Variants in NDUFA10 observed in about 807,000 individuals in gnomAD.
NDUFA10 encodes NADH:ubiquinone oxidoreductase subunit A10, also known as NADH dehydrogenase [ubiquinone] 1 alpha subcomplex subunit 10, mitochondrial.
A neutral mutation model predicts 47.8 loss-of-function variants in NDUFA10; 40 were observed. The ratio of observed to expected loss-of-function variants is 0.84; its 90% CI spans 0.65 to 1.09. The LOEUF (loss-of-function observed/expected upper bound fraction) is 1.09. Among genes scored for constraint, NDUFA10 ranks in the 50% least tolerant of loss-of-function variants. The pLI is 0.00. For synonymous variants in NDUFA10, 183 were observed against 172.2 expected (o/e 1.06, Z -0.49); for missense variants, 413 against 451.1 (o/e 0.92, Z 0.76).
chr2:239,898,336 C>A (rs1236884967), intron 4 of NDUFA10, among the ~76,000 whole-genome samples: 2 of 152,236 alleles, frequency 1.3e-5, no homozygotes, highest in Non-Finnish European at 2.9e-5. Context: ...AGGTGCTCAG[C>A]CTGCGCCCGG....
intron 4 of NDUFA10, among the ~76,000 whole-genome samples, chr2:239,924,811 TC>T (rs1338174860): frequency 6.6e-6 from 1 of 152,082 alleles, no homozygotes; most frequent in African/African-American, 2.4e-5. Context: ...AGAAATTATC[TC>T]CCCTCAATTA....
At chr2:240,000,084 G>C (rs1696643266) in intron 8 of NDUFA10, among the ~76,000 whole-genome samples, 1 of 152,202 alleles carries the variant, frequency 6.6e-6, no homozygotes, top group African/African-American at 2.4e-5. Context: ...ATTATGTACA[G>C]TACAGAATAC....
intron 7 of NDUFA10, among the ~76,000 whole-genome samples, chr2:240,006,713 G>A (rs2106473759): frequency 6.6e-6 from 1 of 152,114 alleles, no homozygotes; most frequent in East Asian, 1.9e-4. Context: ...TATCCTTTAA[G>A]GAACTAACTT....
At chr2:239,931,129 C>T (rs1330461902) in intron 4 of NDUFA10, among the ~76,000 whole-genome samples, 1 of 152,218 alleles carries the variant, frequency 6.6e-6, no homozygotes, top group African/African-American at 2.4e-5. Context: ...TCCCTGTGAG[C>T]ATCTGAACAG....
rs1433699139 is a variant in NDUFA10, at chr2:239,959,293, AC to A, written c.*1824del. 5 of 985,328 alleles carry A rather than the reference AC, an allele frequency of 5.1e-6. No homozygotes were observed. The Admixed American group carries it at 3.1e-4, about 61-fold the overall frequency. The allele number at this position is 985,328 out of a possible 1,614,324, so 61.0% of individuals were successfully genotyped here. A position where few individuals can be genotyped will look rare whatever the true frequency, so the allele number is the denominator to read the frequency against. ...TCTGCCCCTCACAAGGGCAATCCTG[AC>A]CACAGGGCAGACCTGCCCTCTCACT... On this transcript the variant is annotated 3_prime_UTR_variant, in exon 10 of 10. Coordinates refer to ENST00000252711, the MANE Select transcript of NDUFA10 (RefSeq NM_004544.4).
chr2:239,953,584 G>A (rs115981398), downstream of NDUFA10, among the ~76,000 whole-genome samples: 1,688 of 151,622 alleles, frequency 0.011, 34 homozygotes, highest in African/African-American at 0.038. Context: ...TGTCTTCTCC[G>A]AACCTCCTAC....
intron 4 of NDUFA10, among the ~76,000 whole-genome samples, chr2:239,947,248 G>C (rs1694470916): frequency 1.3e-5 from 2 of 152,202 alleles, no homozygotes; most frequent in African/African-American, 4.8e-5. Context: ...TCCGAGCCTG[G>C]GAATACCAAG....
intron 9 of NDUFA10, among the ~76,000 whole-genome samples, chr2:239,963,144 GAC>G (rs1178744223): frequency 6.6e-6 from 1 of 152,138 alleles, no homozygotes; most frequent in Non-Finnish European, 1.5e-5. Context: ...AGAATTCTGG[GAC>G]ACACACAAAA....
chr2:239,905,343 C>A (rs554794641), intron 4 of NDUFA10, among the ~76,000 whole-genome samples: 1 of 152,202 alleles, frequency 6.6e-6, no homozygotes, highest in Non-Finnish European at 1.5e-5. Context: ...TTGGTCCTCC[C>A]GGCTCAAAGG....
intron 4 of NDUFA10, among the ~76,000 whole-genome samples, chr2:239,920,688 G>A (rs973699767): frequency 9.9e-5 from 15 of 152,216 alleles, no homozygotes; most frequent in African/African-American, 2.4e-4. Context: ...AGGAAGGGAC[G>A]TGGCCTTTAA....
chr2:239,981,629 G>A (rs982228510), intron 9 of NDUFA10, among the ~76,000 whole-genome samples: 4 of 152,228 alleles, frequency 2.6e-5, no homozygotes, highest in East Asian at 1.9e-4. Flanking sequence ...AGCATTACTC[G>A]TTTTCCAAGA....
chr2:239,939,256 A>G (rs1254201622), intron 4 of NDUFA10, among the ~76,000 whole-genome samples: 1 of 152,228 alleles, frequency 6.6e-6, no homozygotes, highest in Non-Finnish European at 1.5e-5. Context: ...CATGCCAGCC[A>G]GTGTCTTCTG....
chr2:239,992,639 A>T (rs1421440198), intron 8 of NDUFA10, among the ~76,000 whole-genome samples: 1 of 152,202 alleles, frequency 6.6e-6, no homozygotes, highest in Non-Finnish European at 1.5e-5. Flanking sequence ...CTGGAGAAGC[A>T]GGGATGGTCT....
At chr2:239,897,796 CAG>C (rs1227981169) in intron 4 of NDUFA10, among the ~76,000 whole-genome samples, 17 of 152,228 alleles carry the variant, frequency 1.1e-4, no homozygotes, top group African/African-American at 4.1e-4. Context: ...ACTCAGCCCC[CAG>C]AGACTGCAGC....
At chr2:239,938,351 G>A (rs1175669549) in intron 4 of NDUFA10, among the ~76,000 whole-genome samples, 1 of 152,244 alleles carries the variant, frequency 6.6e-6, no homozygotes, top group African/African-American at 2.4e-5. Flanking sequence ...AGGCCCCCCT[G>A]AGGACAGACC....
intron 4 of NDUFA10, among the ~76,000 whole-genome samples, chr2:239,921,282 A>G (rs11692442): frequency 0.2 from 26,920 of 135,532 alleles, 3,002 homozygotes; most frequent in African/African-American, 0.31. Flanking sequence ...GAACAAAGCC[A>G]CGGACCTTTG....
Position 239,962,239 on chromosome 2 carries a change from A to C in NDUFA10, c.1000-1053T>G, listed in dbSNP as rs558313154. Among the ~76,000 whole-genome samples, 814 of 149,346 alleles carry C rather than the reference A, an allele frequency of 5.5e-3. 2 individuals are homozygous for C. The highest frequency in any genetic ancestry group is 7.9e-3 in the Non-Finnish European group (529 of 67,146). ...CACACACACACACACACACACACAC[A>C]CCCCTTCCAAATTCTGCCCTTAAGA... On this transcript the variant is annotated intron_variant, in intron 9 of 9. Coordinates refer to ENST00000252711, the MANE Select transcript of NDUFA10 (RefSeq NM_004544.4).
intron 4 of NDUFA10, among the ~76,000 whole-genome samples, chr2:239,931,182 C>T (rs907830630): frequency 2.0e-5 from 3 of 152,170 alleles, no homozygotes; most frequent in Admixed American, 1.3e-4. Context: ...TTGGGGCAGA[C>T]CGGCTTAATC....
chr2:240,025,184 CA>C, intron 1 of NDUFA10, 42 bp downstream of exon 1: 1 of 729,842 alleles, frequency 1.4e-6, no homozygotes, highest in Non-Finnish European at 1.9e-6. Flanking sequence ...GCCACCCCGC[CA>C]CCCTGCCACC....
Sources: allele counts gnomAD v4.1 joint callset (sites outside exome capture counted in the v4.1 genomes callset), GRCh38; gene constraint gnomAD v4.1.1; transcripts MANE v1.5; gene names NCBI Gene and HGNC (gene_info 2026-07-23, HGNC 2026-07-21).